The following ZC3H12C variants were observed in gnomAD, a reference collection of about 807,000 sequenced individuals.
ZC3H12C encodes the protein zinc finger CCCH-type containing 12C.
Under a neutral mutation model 76.3 loss-of-function variants are expected in ZC3H12C, and 20 were observed. That is an observed-to-expected ratio of 0.26 (90% CI 0.18 to 0.38). The LOEUF (loss-of-function observed/expected upper bound fraction) is 0.38. ZC3H12C is among the 10% of genes least tolerant of loss of function. The pLI is 1.00. For synonymous variants in ZC3H12C, 352 were observed against 399.6 expected, an observed-to-expected ratio of 0.88 and a Z score of 1.42; for missense variants, 874 against 1,086.5, an observed-to-expected ratio of 0.80 and a Z score of 2.75.
intron 2 of ZC3H12C, among the ~76,000 whole-genome samples, chr11:110,148,187 C>T (rs1009226194): frequency 1.3e-5 from 2 of 152,174 alleles, no homozygotes; most frequent in African/African-American, 4.8e-5. Flanking sequence ...TTCCTGAGAT[C>T]CAGAGATACC....
chr11:110,095,734 T>C (rs577819605), intron 1 of ZC3H12C, among the ~76,000 whole-genome samples: 34 of 152,206 alleles, frequency 2.2e-4, no homozygotes, highest in African/African-American at 7.2e-4. Flanking sequence ...AGGTAGGATT[T>C]GAGTAGGTAG....
At chr11:110,159,565 T>C (rs1444729570) in intron 4 of ZC3H12C, 75 bp downstream of exon 4, 7 of 1,289,616 alleles carry the variant, frequency 5.4e-6, no homozygotes, top group Non-Finnish European at 6.5e-6. Flanking sequence ...TGCTACAGAA[T>C]TCTCTTTTTG....
chr11:110,142,138 C>A lies in ZC3H12C; in HGVS notation c.773+4724C>A, dbSNP rs183205594. ...AAAAGAATCAAAGAATCAGAGCTAGCTTTTTGTTATTGTTTAATTATATCA... is the reference window on the plus strand; with the variant it reads ...AAAAGAATCAAAGAATCAGAGCTAGATTTTTGTTATTGTTTAATTATATCA... On this transcript the variant is annotated intron_variant, in intron 2 of 5. Coordinates refer to ENST00000278590, the MANE Select transcript of ZC3H12C (RefSeq NM_033390.2). Among the ~76,000 whole-genome samples the A allele has an allele frequency of 2.0e-5, 3 of 152,256 alleles. No individual in the cohort carries two copies. The East Asian group carries it at 5.8e-4, about 29-fold the overall frequency.
intron 1 of ZC3H12C, among the ~76,000 whole-genome samples, chr11:110,111,055 C>T (rs751758333): frequency 1.4e-4 from 21 of 152,108 alleles, no homozygotes; most frequent in African/African-American, 3.9e-4. Flanking sequence ...GAGATCATCC[C>T]GTGCTGTGAT....
intron 1 of ZC3H12C, among the ~76,000 whole-genome samples, chr11:110,126,230 T>C (rs1430410413): frequency 7.8e-6 from 1 of 127,960 alleles, no homozygotes; most frequent in African/African-American, 2.9e-5. Flanking sequence ...TTTTTTTTTT[T>C]TTTTTTTTTT....
chr11:110,151,395 T>C (rs1232248954), intron 2 of ZC3H12C, among the ~76,000 whole-genome samples: 2 of 152,208 alleles, frequency 1.3e-5, no homozygotes, highest in Non-Finnish European at 2.9e-5. Context: ...ATTAGTTTAC[T>C]AGCAAAGCTT....
intron 1 of ZC3H12C, 125 bp downstream of exon 1, chr11:110,093,557 A>G: frequency 1.5e-6 from 1 of 662,734 alleles, no homozygotes; most frequent in Non-Finnish European, 2.0e-6. Context: ...GGCCGCAGCG[A>G]CCTCGCCGTG....
At chr11:110,163,210 C>A in intron 4 of ZC3H12C, 63 bp from the exon 5 acceptor site, 2 of 1,417,750 alleles carry the variant, frequency 1.4e-6, no homozygotes, top group Non-Finnish European at 1.9e-6. Context: ...TCTTTGTACT[C>A]TTTTTAGAAT....
intron 1 of ZC3H12C, among the ~76,000 whole-genome samples, chr11:110,124,669 C>G (rs1861708206): frequency 6.6e-6 from 1 of 152,154 alleles, no homozygotes. Flanking sequence ...ACACTTAAGG[C>G]AAAGAGACAT....
chr11:110,164,078 G>A lies in ZC3H12C; in HGVS notation c.1256-263G>A, dbSNP rs685703. ...TCACACCACTGCCCTCCACCTGGGT[G>A]ACAGAGCAAGACCCTGTCTCAAAAA... On this transcript the variant is annotated intron_variant, in intron 5 of 5. Coordinates refer to ENST00000278590, the MANE Select transcript of ZC3H12C (RefSeq NM_033390.2). This position sits in a 1 kb window ranked among gnomAD's most constrained non-coding sequence, Gnocchi z 5.7. 0.69 allele frequency among the ~76,000 whole-genome samples: 104,377 copies of A among 151,058 alleles called. 36,795 individuals carry two copies. The highest frequency in any genetic ancestry group is 0.78 in the South Asian group (3,740 of 4,770).
chr11:110,137,259 T>A lies in ZC3H12C; in HGVS notation c.618T>A (p.Ser206Arg), dbSNP rs1200296779. Residue 206 changes from serine (S) to arginine (R), a missense_variant, in exon 2 of 6, where the codon AGT (serine) becomes AGA (arginine). Ser to Arg is a moderately radical substitution (Grantham distance 110). Around this residue, in one of 3 missense-constraint regions of ZC3H12C, gnomAD observed 269 missense variants for 424.9 expected, o/e 0.63. Coordinates refer to ENST00000278590, the MANE Select transcript of ZC3H12C (RefSeq NM_033390.2). ...LGELVKLGNK[S>R]EADQTVSTIN... is the part of the protein sequence containing the mutation. ...AACTTGTCAAACTTGGAAATAAAAG[T>A]GAGGCTGATCAAACGGTTAGTACAA... 6 of 1,613,888 alleles carry A rather than the reference T, an allele frequency of 3.7e-6. No individual in the cohort carries two copies. Among genetic ancestry groups the A allele is most frequent in the Non-Finnish European group, 4.2e-6 (5 of 1,179,860 alleles).
At chr11:110,135,486 G>A (rs537241704) in intron 1 of ZC3H12C, among the ~76,000 whole-genome samples, 951 of 58,758 alleles carry the variant, frequency 0.016, 14 homozygotes, top group African/African-American at 0.059. Flanking sequence ...TGAGACTCCC[G>A]TCTCAAAAAA....
intron 1 of ZC3H12C, chr11:110,136,403 G>T: frequency 2.7e-6 from 1 of 370,556 alleles, no homozygotes. Flanking sequence ...AGAATCAGAC[G>T]AAACTGGGTA....
intron 1 of ZC3H12C, among the ~76,000 whole-genome samples, chr11:110,124,678 A>G (rs1861708414): frequency 2.6e-5 from 4 of 152,216 alleles, no homozygotes; most frequent in African/African-American, 9.6e-5. Context: ...GCAAAGAGAC[A>G]TCTGTGCCCT....
chr11:110,142,186 A>G (rs1021574104), intron 2 of ZC3H12C, among the ~76,000 whole-genome samples: 1 of 152,202 alleles, frequency 6.6e-6, no homozygotes, highest in Non-Finnish European at 1.5e-5. Context: ...ACAAAGACAG[A>G]TATTAGAGTT....
At chr11:110,158,360 A>C (rs1862414839) in intron 3 of ZC3H12C, among the ~76,000 whole-genome samples, 1 of 152,084 alleles carries the variant, frequency 6.6e-6, no homozygotes, top group South Asian at 2.1e-4. Flanking sequence ...AAATACAAAA[A>C]TTAGCCAGGC....
At chr11:110,144,950 GTATA>G (rs1293732155) in intron 2 of ZC3H12C, among the ~76,000 whole-genome samples, 1 of 152,086 alleles carries the variant, frequency 6.6e-6, no homozygotes, top group African/African-American at 2.4e-5. Flanking sequence ...AATGGTATCT[GTATA>G]TATACCTAAA....
intron 5 of ZC3H12C, among the ~76,000 whole-genome samples, chr11:110,163,694 C>T (rs1319398855): frequency 1.3e-5 from 2 of 152,100 alleles, no homozygotes; most frequent in African/African-American, 4.8e-5. Context: ...GGTTCTATCG[C>T]CCTACAGTAG....
intron 2 of ZC3H12C, among the ~76,000 whole-genome samples, chr11:110,143,539 T>G (rs1326856905): frequency 6.6e-6 from 1 of 151,854 alleles, no homozygotes; most frequent in African/African-American, 2.4e-5. Context: ...ATTATAATTA[T>G]TCTGTGATTA....
Sources: allele counts gnomAD v4.1 joint callset (sites outside exome capture counted in the v4.1 genomes callset), GRCh38; gene constraint gnomAD v4.1.1; regional missense constraint gnomAD v4.1.1; non-coding constraint Gnocchi (gnomAD v3.1); transcripts MANE v1.5; gene names NCBI Gene and HGNC (gene_info 2026-07-23, HGNC 2026-07-21).